Variants in RPS27 observed in about 807,000 individuals in gnomAD.
RPS27 encodes the protein ribosomal protein S27.
A neutral mutation model predicts 11.8 loss-of-function variants in RPS27; 1 was observed. That is an observed-to-expected ratio of 0.08 (90% CI 0.03 to 0.40). The LOEUF is 0.40. Ranked by LOEUF, RPS27 falls within the 10% of genes least tolerant of loss-of-function variation. The pLI is 0.98. For synonymous variants in RPS27, 42 were observed against 33.8 expected (o/e 1.24, Z -0.84); for missense variants, 44 against 100.1 (o/e 0.44, Z 2.39).
At chr1:153,991,071 T>G in intron 1 of RPS27, 44 bp from the exon 2 acceptor site, 1 of 1,454,058 alleles carries the variant, frequency 6.9e-7, no homozygotes, top group Non-Finnish European at 9.3e-7. Flanking sequence ...ACCATCCCAT[T>G]TTCGCTGTTG....
chr1:153,990,929 G>T, intron 1 of RPS27, 127 bp downstream of exon 1: 1 of 1,420,622 alleles, frequency 7.0e-7, no homozygotes, highest in South Asian at 1.2e-5. Flanking sequence ...TAACTCCAGG[G>T]ACCGCAGCGG....
chr1:153,991,026 C>A, intron 1 of RPS27, 89 bp from the exon 2 acceptor site: 1 of 1,197,626 alleles, frequency 8.3e-7, no homozygotes, highest in Non-Finnish European at 1.2e-6. Context: ...GAGGGGCGAG[C>A]TCTCCCCGGT....
intron 1 of RPS27, 23 bp downstream of exon 1, chr1:153,990,825 C>G (rs746331427): frequency 6.2e-7 from 1 of 1,614,176 alleles, no homozygotes; most frequent in Non-Finnish European, 8.5e-7. Context: ...GTCCAGGTTT[C>G]GGCGGAGATC....
chr1:153,990,923 TC>T, intron 1 of RPS27, 121 bp downstream of exon 1: 1 of 1,445,030 alleles, frequency 6.9e-7, no homozygotes, highest in Non-Finnish European at 9.7e-7. Flanking sequence ...GGACATTAAC[TC>T]CAGGGACCGC....
chr1:153,990,873 C>T, intron 1 of RPS27, 71 bp downstream of exon 1: 1 of 1,602,796 alleles, frequency 6.2e-7, no homozygotes, highest in Non-Finnish European at 8.5e-7. Context: ...ACGCTGATTT[C>T]GGATCGTAGA....
At chr1:153,991,299 C>A in intron 2 of RPS27, 76 bp downstream of exon 2, 1 of 1,553,418 alleles carries the variant, frequency 6.4e-7, no homozygotes, top group Non-Finnish European at 8.7e-7. Context: ...TTAGCTGTCT[C>A]GTATCCTTGA....
intron 1 of RPS27, 76 bp downstream of exon 1, chr1:153,990,878 C>A (rs954942341): frequency 1.6e-5 from 25 of 1,586,752 alleles, no homozygotes; most frequent in Non-Finnish European, 1.7e-5. Flanking sequence ...GATTTCGGAT[C>A]GTAGAGGGTC....
chr1:153,991,398 T>C, intron 2 of RPS27, 168 bp from the exon 3 acceptor site: 1 of 1,475,396 alleles, frequency 6.8e-7, no homozygotes. Flanking sequence ...GGCAAAGTTT[T>C]GCATCTTAGG....
Position 153,990,795 on chromosome 1 carries a change from A to G in RPS27, c.-2A>G, listed in dbSNP as rs751441780. 9.3e-6 allele frequency: 15 copies of G among 1,614,086 alleles called. No homozygotes were observed. The African/African-American group carries it at 9.3e-5, about 10-fold the overall frequency. ...GCGGTGACGACCTACGCACACGAGAACATGCCTGTGAGTGCTTTGGTCCAG... is the reference window on the plus strand; with the variant it reads ...GCGGTGACGACCTACGCACACGAGAGCATGCCTGTGAGTGCTTTGGTCCAG... On this transcript the variant is annotated 5_prime_UTR_variant, in exon 1 of 4. Transcript: ENST00000651669.
chr1:153,991,550 T>C lies in RPS27; in HGVS notation c.116-16T>C, dbSNP rs367550840. 3.3e-5 allele frequency: 52 copies of C among 1,592,690 alleles called. No individual in the cohort carries two copies. The highest frequency in any genetic ancestry group is 1.9e-4 in the Middle Eastern group (1 of 5,192). On this transcript the variant is annotated splice_polypyrimidine_tract_variant and intron_variant, in intron 2 of 3. Transcript: ENST00000651669. ...GGTGTAATAGAGGAAAAAAATGTTA[T>C]CTGCTTTTCTTTCAGGATGCTATAA...
chr1:153,992,018 G>T (rs752601951), intron 3 of RPS27, 47 bp from the exon 4 acceptor site: 18 of 1,587,640 alleles, frequency 1.1e-5, no homozygotes, highest in African/African-American at 9.4e-5. Context: ...GAGGTGGGCA[G>T]AATACCTGTA....
At position 153,991,204 on chromosome 1, in the gene RPS27, C is replaced by A. The variant is rs1307484406; in HGVS notation, c.96C>A (p.Phe32Leu). 1.9e-6 allele frequency: 3 copies of A among 1,598,328 alleles called. No individual in the cohort carries two copies. Among genetic ancestry groups the A allele is most frequent in the Non-Finnish European group, 2.6e-6 (3 of 1,169,914 alleles). ...TGGTGCAGAGCCCCAATTCCTACTT[C>A]ATGGATGTGAAATGCCCAGGTGAGG... ...KRLVQSPNSY[F>L]MDVKCPGCYK... Residue 32 changes from phenylalanine (F) to leucine (L), a missense_variant, in exon 2 of 4, where the codon TTC (phenylalanine) becomes TTA (leucine). Coordinates refer to ENST00000651669, the MANE Select transcript of RPS27 (RefSeq NM_001030.6).
At chr1:153,990,951 C>G in intron 1 of RPS27, 149 bp downstream of exon 1, 1 of 1,294,354 alleles carries the variant, frequency 7.7e-7, no homozygotes, top group Non-Finnish European at 1.1e-6. Flanking sequence ...CCACGGGCCA[C>G]CCGCATAGAC....
chr1:153,991,559 C>G lies in RPS27; in HGVS notation c.116-7C>G, dbSNP rs753234083. The G allele has an allele frequency of 1.3e-5, 21 of 1,605,694 alleles. 1 individual carries two copies. Among genetic ancestry groups the G allele is most frequent in the South Asian group, 2.2e-5 (2 of 90,816 alleles). Reference sequence around the variant, plus strand: ...GAGGAAAAAAATGTTATCTGCTTTTCTTTCAGGATGCTATAAAATCACCAC... The same window carrying G: ...GAGGAAAAAAATGTTATCTGCTTTTGTTTCAGGATGCTATAAAATCACCAC... On this transcript the variant is annotated splice_polypyrimidine_tract_variant and splice_region_variant and intron_variant, in intron 2 of 3. Transcript: ENST00000651669.
chr1:153,991,147 AGAG>A lies in RPS27; in HGVS notation c.43_45del (p.Glu15del), dbSNP rs770671657. ...AGGATCTCCTTCATCCCTCTCCAGAAGAGGAGAAGAGGAAACACAAGAAGAAAC... is the reference window on the plus strand; with the variant it reads ...AGGATCTCCTTCATCCCTCTCCAGAAGAGAAGAGGAAACACAAGAAGAAAC... On this transcript the variant is annotated inframe_deletion, in exon 2 of 4. Coordinates refer to ENST00000651669, the MANE Select transcript of RPS27 (RefSeq NM_001030.6). 1.1e-5 allele frequency: 18 copies of A among 1,595,234 alleles called. No individual in the cohort carries two copies. The highest frequency in any genetic ancestry group is 4.5e-5 in the East Asian group (2 of 44,734).
In RPS27 at chr1:153,991,317, C is replaced by T. The variant is rs764869737; in HGVS notation, c.115+94C>T. The T allele has an allele frequency of 1.6e-5, 25 of 1,534,370 alleles. No homozygotes were observed. In the Admixed American group the frequency reaches 5.1e-4, roughly 31 times the overall value. The stretch of plus-strand genomic sequence containing the variant: ...GCTGTCTCGTATCCTTGAAGCTGTG[C>T]AGCAGCTTCAGTTTCTTCGCCTGTG... On this transcript the variant is annotated intron_variant, in intron 2 of 3. Transcript: ENST00000651669.
intron 2 of RPS27, 35 bp from the exon 3 acceptor site, chr1:153,991,531 A>G: frequency 1.3e-6 from 2 of 1,525,122 alleles, no homozygotes; most frequent in Non-Finnish European, 1.8e-6. Context: ...GACGGGTGTA[A>G]TAGAGGAAAA....
chr1:153,991,062 C>G, intron 1 of RPS27, 53 bp from the exon 2 acceptor site: 1 of 1,406,604 alleles, frequency 7.1e-7, no homozygotes, highest in Admixed American at 2.3e-5. Flanking sequence ...CTATTTTCGA[C>G]CATCCCATTT....
At chr1:153,990,876 A>C in intron 1 of RPS27, 74 bp downstream of exon 1, 5 of 1,595,248 alleles carry the variant, frequency 3.1e-6, no homozygotes, top group Non-Finnish European at 4.3e-6. Flanking sequence ...CTGATTTCGG[A>C]TCGTAGAGGG....
Sources: gnomAD v4.1 joint callset for allele counts on GRCh38, gnomAD v4.1.1 for gene constraint, MANE v1.5 for transcripts, NCBI Gene and HGNC (gene_info 2026-07-23, HGNC 2026-07-21) for gene names.